Variants in HDAC9 observed in about 807,000 individuals in gnomAD.
The protein encoded by HDAC9 is histone deacetylase 9.
Under a neutral mutation model 139.4 loss-of-function variants are expected in HDAC9, and 41 were observed. The ratio of observed to expected loss-of-function variants is 0.29; its 90% CI spans 0.23 to 0.38. The LOEUF is 0.38. HDAC9 is among the 10% of genes least tolerant of loss of function. HDAC9 has a pLI of 1.00. For synonymous variants in HDAC9, 517 were observed against 476.2 expected (o/e 1.09, Z -1.12); for missense variants, 1,147 against 1,297.0 (o/e 0.88, Z 1.78).
At chr7:18,170,735 T>A (rs537458767) in intron 2 of HDAC9, among the ~76,000 whole-genome samples, 3 of 152,226 alleles carry the variant, frequency 2.0e-5, no homozygotes, top group Non-Finnish European at 4.4e-5. Context: ...TTGTCAGATT[T>A]GTCAAAGATC....
intron 1 of HDAC9, among the ~76,000 whole-genome samples, chr7:18,381,849 C>G (rs914706886): frequency 1.3e-5 from 2 of 152,070 alleles, no homozygotes; most frequent in African/African-American, 4.8e-5. Flanking sequence ...TAGCTTCTTA[C>G]TTTTTTTGTT....
rs1368148006 is a variant in HDAC9, at chr7:18,351,855, A to G, written c.-42+61340A>G. 3.3e-5 allele frequency among the ~76,000 whole-genome samples: 5 copies of G among 152,192 alleles called. No individual in the cohort carries two copies. The East Asian group carries it at 7.7e-4, about 23-fold the overall frequency. On this transcript the variant is annotated intron_variant, in intron 1 of 3. Coordinates refer to the HDAC9 transcript ENST00000413509. ...ACAGGCACACACACAGGTTATTACA[A>G]TTTTATCAAGAAATTATTAGCCTTG...
intron 6 of HDAC9, among the ~76,000 whole-genome samples, chr7:18,610,100 A>G (rs1414246567): frequency 1.3e-5 from 2 of 152,184 alleles, no homozygotes; most frequent in African/African-American, 4.8e-5. Flanking sequence ...ACACACGCAC[A>G]CATATGTTTA....
In HDAC9 at chr7:18,761,595, A is replaced by G. The variant is rs190032431; in HGVS notation, c.2044-562A>G. 2.0e-5 allele frequency among the ~76,000 whole-genome samples: 3 copies of G among 152,310 alleles called. No individual in the cohort carries two copies. In the East Asian group the frequency reaches 5.8e-4, roughly 29 times the overall value. ...TTCTGTACTGACCTCACTACAGACC[A>G]TTAATAAACAGATATTGACGTGTTA... On this transcript the variant is annotated intron_variant, in intron 14 of 25. Transcript: ENST00000686413.
chr7:18,299,007 AG>A (rs1798343402), intron 1 of HDAC9, among the ~76,000 whole-genome samples: 1 of 152,136 alleles, frequency 6.6e-6, no homozygotes, highest in Non-Finnish European at 1.5e-5. Flanking sequence ...CTTATTTTGG[AG>A]CCCAACTATT....
chr7:18,350,166 T>G (rs1025584447), intron 1 of HDAC9, among the ~76,000 whole-genome samples: 3 of 152,152 alleles, frequency 2.0e-5, no homozygotes, highest in Admixed American at 6.6e-5. Flanking sequence ...GGTTCAAAAG[T>G]CATTAGTCTT....
chr7:18,673,502 T>C (rs1399933830), intron 12 of HDAC9, among the ~76,000 whole-genome samples: 1 of 152,084 alleles, frequency 6.6e-6, no homozygotes, highest in African/African-American at 2.4e-5. Context: ...TAATATTCCA[T>C]GTCTATTGAT....
intron 19 of HDAC9, among the ~76,000 whole-genome samples, chr7:18,830,900 A>T (rs1795815188): frequency 6.6e-6 from 1 of 152,242 alleles, no homozygotes; most frequent in Non-Finnish European, 1.5e-5. Context: ...TCTCATTTAT[A>T]TGCAAAATGA....
chr7:18,562,310 G>A (rs1820870030), intron 2 of HDAC9, among the ~76,000 whole-genome samples: 1 of 151,932 alleles, frequency 6.6e-6, no homozygotes, highest in Non-Finnish European at 1.5e-5. Flanking sequence ...TTTTAATTTT[G>A]ATGTAGTCCA....
chr7:18,216,129 TGAGAGAGA>T (rs59712565), intron 2 of HDAC9, among the ~76,000 whole-genome samples: 1 of 143,656 alleles, frequency 7.0e-6, no homozygotes, highest in East Asian at 2.0e-4. Context: ...TGTGTGTGTG[TGAGAGAGA>T]GAGAGAGAGA....
At chr7:18,263,379 T>G (rs1007696535) in intron 2 of HDAC9, among the ~76,000 whole-genome samples, 3 of 152,184 alleles carry the variant, frequency 2.0e-5, no homozygotes, top group African/African-American at 7.2e-5. Flanking sequence ...ACAGCTTGAT[T>G]CAACAAGATC....
chr7:18,798,386 A>G (rs536248654), intron 17 of HDAC9, among the ~76,000 whole-genome samples: 2 of 152,330 alleles, frequency 1.3e-5, no homozygotes, highest in African/African-American at 4.8e-5. Flanking sequence ...GCATGTTTCA[A>G]AAAACAAACC....
At chr7:18,530,814 A>T (rs1473211249) in intron 2 of HDAC9, among the ~76,000 whole-genome samples, 1 of 149,770 alleles carries the variant, frequency 6.7e-6, no homozygotes, top group Non-Finnish European at 1.5e-5. Flanking sequence ...GTGTATATGT[A>T]TATATAAATA....
rs535574116 is a variant in HDAC9 at position 18,540,876 on chromosome 7, A to G, written c.23-44405A>G. Among the ~76,000 whole-genome samples the G allele has an allele frequency of 3.9e-5, 6 of 152,362 alleles. No homozygotes were observed. The East Asian group carries it at 5.8e-4, about 15-fold the overall frequency. On this transcript the variant is annotated intron_variant, in intron 2 of 25. Coordinates refer to ENST00000686413, the MANE Select transcript of HDAC9 (RefSeq NM_178425.4). ...TAAAACACTATTGTAAGGACTTTAC[A>G]TATGTTAACCTACATGATTCTCGTA... is the stretch of plus-strand genomic sequence containing the variant.
intron 1 of HDAC9, among the ~76,000 whole-genome samples, chr7:18,292,843 A>G (rs554965058): frequency 6.6e-6 from 1 of 152,314 alleles, no homozygotes; most frequent in South Asian, 2.1e-4. Context: ...ACAGTCAGAC[A>G]TTTTAGAAAC....
At chr7:18,253,704 C>A (rs1795068056) in intron 2 of HDAC9, among the ~76,000 whole-genome samples, 1 of 152,180 alleles carries the variant, frequency 6.6e-6, no homozygotes, top group African/African-American at 2.4e-5. Flanking sequence ...GTGTTGGGAA[C>A]CTTTGCTCTG....
intron 21 of HDAC9, among the ~76,000 whole-genome samples, chr7:18,840,523 A>G (rs1796518398): frequency 6.6e-6 from 1 of 151,956 alleles, no homozygotes; most frequent in African/African-American, 2.4e-5. Flanking sequence ...ATTGAAAACT[A>G]CCTATTTTTA....
At chr7:18,267,061 G>A (rs2128210610) in intron 2 of HDAC9, among the ~76,000 whole-genome samples, 1 of 152,080 alleles carries the variant, frequency 6.6e-6, no homozygotes, top group East Asian at 1.9e-4. Flanking sequence ...AAATTGTGAG[G>A]GGACCAGTCT....
intron 6 of HDAC9, among the ~76,000 whole-genome samples, chr7:18,625,771 C>T (rs1253608419): frequency 6.6e-6 from 1 of 151,574 alleles, no homozygotes; most frequent in East Asian, 1.9e-4. Flanking sequence ...ATGGTGAAAC[C>T]CTGTCTTTAC....
Sources: allele counts gnomAD v4.1 joint callset (sites outside exome capture counted in the v4.1 genomes callset), GRCh38; gene constraint gnomAD v4.1.1; transcripts MANE v1.5; gene names NCBI Gene and HGNC (gene_info 2026-07-23, HGNC 2026-07-21).